ABTB3: variants seen among roughly 807,000 people sequenced by gnomAD.
ABTB3 encodes ankyrin repeat- and BTB/POZ domain-containing protein 3.
the ABTB3 span, among the ~76,000 whole-genome samples, chr12:107,380,019 C>A: frequency 6.6e-6 from 1 of 152,186 alleles, no homozygotes; most frequent in Non-Finnish European, 1.5e-5. Context: ...GGAACAGATT[C>A]TCAGGCCCCT....
the ABTB3 span, among the ~76,000 whole-genome samples, chr12:107,394,949 C>T: frequency 5.3e-4 from 80 of 152,230 alleles, no homozygotes; most frequent in Non-Finnish European, 1.0e-3. Context: ...TCCCCAGGGT[C>T]CTTGTTCTCA....
chr12:107,524,395 G>C, the ABTB3 span, among the ~76,000 whole-genome samples: 15,063 of 152,168 alleles, frequency 0.099, 817 homozygotes, highest in South Asian at 0.15. Flanking sequence ...CATATTCAAA[G>C]GTTGCTCAGC....
chr12:107,585,435 A>G, the ABTB3 span, among the ~76,000 whole-genome samples: 1 of 152,232 alleles, frequency 6.6e-6, no homozygotes, highest in South Asian at 2.1e-4. Context: ...CTAAGTGCCA[A>G]TCCCCATACA....
At chr12:107,463,116 A>AT in the ABTB3 span, among the ~76,000 whole-genome samples, 3 of 151,210 alleles carry the variant, frequency 2.0e-5, no homozygotes, top group Non-Finnish European at 4.4e-5. Context: ...GATAGTGATG[A>AT]TGGTGGAAGT....
the ABTB3 span, among the ~76,000 whole-genome samples, chr12:107,345,307 T>C: frequency 2.6e-5 from 4 of 152,204 alleles, no homozygotes; most frequent in Non-Finnish European, 5.9e-5. Context: ...TCTCCAAGGC[T>C]ATTCATAAGG....
At chr12:107,539,776 G>C in the ABTB3 span, among the ~76,000 whole-genome samples, 1 of 152,204 alleles carries the variant, frequency 6.6e-6, no homozygotes, top group Non-Finnish European at 1.5e-5. Flanking sequence ...CCACCTGAGA[G>C]GTGAAGATTA....
At chr12:107,397,113 C>G in the ABTB3 span, among the ~76,000 whole-genome samples, 1 of 152,226 alleles carries the variant, frequency 6.6e-6, no homozygotes, top group Non-Finnish European at 1.5e-5. Context: ...CCCCTTGGAA[C>G]CCCAGTGGGA....
the ABTB3 span, among the ~76,000 whole-genome samples, chr12:107,536,840 A>T: frequency 1.4e-4 from 21 of 152,324 alleles, no homozygotes; most frequent in East Asian, 3.9e-3. Flanking sequence ...AAAACTAAAA[A>T]TAGAACTGCC....
the ABTB3 span, among the ~76,000 whole-genome samples, chr12:107,569,461 A>G: frequency 2.0e-5 from 3 of 152,190 alleles, no homozygotes; most frequent in Non-Finnish European, 4.4e-5. Flanking sequence ...AACAAATTCA[A>G]CCTCCTGTGG....
chr12:107,588,574 G>T, the ABTB3 span, among the ~76,000 whole-genome samples: 2 of 152,158 alleles, frequency 1.3e-5, no homozygotes. Context: ...AAGCTGGAGT[G>T]CAGTGGCATG....
the ABTB3 span, among the ~76,000 whole-genome samples, chr12:107,494,864 A>C: frequency 6.6e-6 from 1 of 152,050 alleles, no homozygotes; most frequent in East Asian, 1.9e-4. Flanking sequence ...CAGGGCCCCG[A>C]GGATCATTCT....
At chr12:107,441,735 C>G in the ABTB3 span, among the ~76,000 whole-genome samples, 12 of 137,490 alleles carry the variant, frequency 8.7e-5, no homozygotes, top group East Asian at 2.3e-3. Flanking sequence ...CCCAGCAGTT[C>G]AAGACCAGCC....
the ABTB3 span, among the ~76,000 whole-genome samples, chr12:107,515,941 A>G: frequency 6.6e-6 from 1 of 152,090 alleles, no homozygotes; most frequent in South Asian, 2.1e-4. Context: ...AGAGAAGTGA[A>G]AAGGAAAACA....
the ABTB3 span, among the ~76,000 whole-genome samples, chr12:107,421,112 G>A: frequency 1.1e-4 from 17 of 152,088 alleles, no homozygotes; most frequent in Non-Finnish European, 1.5e-4. Flanking sequence ...TGAGTCTATC[G>A]AGAAAAATTT....
the ABTB3 span, among the ~76,000 whole-genome samples, chr12:107,329,165 C>T: frequency 6.6e-6 from 1 of 152,194 alleles, no homozygotes; most frequent in African/African-American, 2.4e-5. Flanking sequence ...CTGTGACATA[C>T]AGGAGAATTG....
chr12:107,469,938 CTT>C, the ABTB3 span, among the ~76,000 whole-genome samples: 199 of 90,820 alleles, frequency 2.2e-3, 18 homozygotes, highest in African/African-American at 6.5e-3. Context: ...CTCTCTCTTT[CTT>C]TCTCTTTCTT....
chr12:107,482,186 G>A, the ABTB3 span, among the ~76,000 whole-genome samples: 2 of 152,150 alleles, frequency 1.3e-5, no homozygotes, highest in Non-Finnish European at 2.9e-5. Context: ...ACCCCCTCCA[G>A]CTGATGAGTG....
chr12:107,423,106 T>C, the ABTB3 span, among the ~76,000 whole-genome samples: 1 of 152,184 alleles, frequency 6.6e-6, no homozygotes, highest in African/African-American at 2.4e-5. Context: ...TCGGGAGTGG[T>C]GGCAGAGAAG....
chr12:107,440,449 G>C, the ABTB3 span, among the ~76,000 whole-genome samples: 1 of 152,212 alleles, frequency 6.6e-6, no homozygotes, highest in South Asian at 2.1e-4. Flanking sequence ...AAGGGCACCT[G>C]CCTCCTCAGA....
Sources: allele counts gnomAD v4.1 joint callset (sites outside exome capture counted in the v4.1 genomes callset), GRCh38; gene constraint gnomAD v4.1.1; transcripts MANE v1.5; gene names NCBI Gene and HGNC (gene_info 2026-07-23, HGNC 2026-07-21).